ANKRD33B: variants seen among roughly 807,000 people sequenced by gnomAD.
The protein encoded by ANKRD33B is ankyrin repeat domain-containing protein 33B.
Under a neutral mutation model 21.5 loss-of-function variants are expected in ANKRD33B, and 6 were observed. The observed-to-expected ratio is 0.28, with a 90% CI of 0.15 to 0.55. ANKRD33B has a LOEUF of 0.55. Ranked by LOEUF, ANKRD33B falls within the 20% of genes least tolerant of loss-of-function variation. The pLI is 0.94. For synonymous variants in ANKRD33B, 347 were observed against 342.4 expected (o/e 1.01, Z -0.15); for missense variants, 698 against 747.2 (o/e 0.93, Z 0.77).
At chr5:10,629,722 C>G (rs1736661887) in intron 2 of ANKRD33B, among the ~76,000 whole-genome samples, 1 of 152,152 alleles carries the variant, frequency 6.6e-6, no homozygotes, top group Admixed American at 6.5e-5. Flanking sequence ...GCTTAGCAGG[C>G]AGCTGAGGAA....
intron 1 of ANKRD33B, among the ~76,000 whole-genome samples, chr5:10,591,457 G>A (rs1039068729): frequency 6.6e-5 from 10 of 152,078 alleles, no homozygotes; most frequent in Admixed American, 2.0e-4. Flanking sequence ...GCCTCCCAGA[G>A]TGCTGTCCCG....
At chr5:10,641,182 AGTT>A (rs1021225605) in intron 3 of ANKRD33B, among the ~76,000 whole-genome samples, 8 of 137,626 alleles carry the variant, frequency 5.8e-5, no homozygotes, top group Non-Finnish European at 3.1e-5. Flanking sequence ...TCCCACATTT[AGTT>A]GTCTTCTTCT....
rs1737445919 is a variant in ANKRD33B at position 10,654,840 on chromosome 5, C to T, written c.*4727C>T. The T allele has an allele frequency of 6.6e-6, 1 of 152,514 alleles. No individual in the cohort carries two copies. The highest frequency in any genetic ancestry group is 2.4e-5 in the African/African-American group (1 of 41,422). 9.4% of individuals were successfully genotyped at this position (152,514 alleles called of 1,614,324 possible). A position where few individuals can be genotyped will look rare whatever the true frequency, so the allele number is the denominator to read the frequency against. On this transcript the variant is annotated 3_prime_UTR_variant, in exon 4 of 4. Transcript: ENST00000296657. Reference sequence around the variant, plus strand: ...TACTTGCTTCTGTGAATAAAGTGTTCTACAGTCAGCCCAGCACTAAACTCA... The same window carrying T: ...TACTTGCTTCTGTGAATAAAGTGTTTTACAGTCAGCCCAGCACTAAACTCA...
chr5:10,624,610 G>A (rs1736502312), intron 2 of ANKRD33B: 1 of 384,840 alleles, frequency 2.6e-6, no homozygotes, highest in African/African-American at 2.1e-5. Flanking sequence ...GGAGGCAGAG[G>A]GGAGAGGGAC....
chr5:10,618,433 A>T lies in ANKRD33B; in HGVS notation c.467A>T (p.Asn156Ile). 1 of 1,537,004 alleles carries T rather than the reference A, an allele frequency of 6.5e-7. No homozygotes were observed. Among genetic ancestry groups the T allele is most frequent in the East Asian group, 2.4e-5 (1 of 41,046 alleles). The change falls in exon 2 of 4, where the codon AAC becomes ATC. Residue 156 changes from asparagine (N) to isoleucine (I), a missense_variant. Asn to Ile is a moderately radical substitution (Grantham distance 149, BLOSUM62 -3). Coordinates refer to ENST00000296657, the MANE Select transcript of ANKRD33B (RefSeq NM_001164440.2). ...GTCAACTGGCAGGACAGCGAGGGGAACACAGCCCTAATCACAGCTGCACAG... is the reference window on the plus strand; with the variant it reads ...GTCAACTGGCAGGACAGCGAGGGGATCACAGCCCTAATCACAGCTGCACAG... Reference protein sequence around the residue: ...VDVNWQDSEGNTALITAAQAG... With the variant: ...VDVNWQDSEGITALITAAQAG...
chr5:10,606,460 G>A (rs1310815381), intron 1 of ANKRD33B, among the ~76,000 whole-genome samples: 2 of 152,098 alleles, frequency 1.3e-5, no homozygotes, highest in Admixed American at 6.5e-5. Flanking sequence ...TATTGGCCTG[G>A]CACAGTAGCT....
chr5:10,593,829 G>T (rs1735752205), intron 1 of ANKRD33B, among the ~76,000 whole-genome samples: 2 of 149,352 alleles, frequency 1.3e-5, no homozygotes, highest in African/African-American at 5.0e-5. Context: ...ACCCCCTCAT[G>T]AACCCTCTGC....
In ANKRD33B at chr5:10,654,275, C is replaced by A. The variant is rs542713959; in HGVS notation, c.*4162C>A. 6.6e-6 allele frequency: 1 copy of A among 152,486 alleles called. No homozygotes were observed. The highest frequency in any genetic ancestry group is 2.4e-5 in the African/African-American group (1 of 41,560). 9.4% of individuals were successfully genotyped at this position (152,486 alleles called of 1,614,324 possible). On this transcript the variant is annotated 3_prime_UTR_variant, in exon 4 of 4. Coordinates refer to ENST00000296657, the MANE Select transcript of ANKRD33B (RefSeq NM_001164440.2). ...CCGTCCTCTTTGCTCGGAAGGGAGA[C>A]CTGGTTTGCTCTCCTCCATGACAGC...
chr5:10,583,753 C>T (rs1691461238), intron 1 of ANKRD33B, among the ~76,000 whole-genome samples: 1 of 152,152 alleles, frequency 6.6e-6, no homozygotes, highest in Non-Finnish European at 1.5e-5. Context: ...ATTGTGTTTA[C>T]CAGCCCTTCC....
rs1354992105 is a variant in ANKRD33B at position 10,638,099 on chromosome 5, G to A, written c.568G>A (p.Gly190Arg). The A allele has an allele frequency of 2.6e-6, 4 of 1,537,456 alleles. No homozygotes were observed. The highest frequency in any genetic ancestry group is 1.2e-5 in the South Asian group (1 of 84,064). The change falls in exon 3 of 4, where the codon GGG becomes AGG. Residue 190 changes from glycine to arginine, a missense_variant. Around this residue, in one of 3 missense-constraint regions of ANKRD33B, gnomAD observed 543 missense variants for 566.5 expected, o/e 0.96. Coordinates refer to ENST00000296657, the MANE Select transcript of ANKRD33B (RefSeq NM_001164440.2). ...GLDLERRNAF[G>R]FTALMKAAMQ... Reference sequence around the variant, plus strand: ...TGACCTTGAAAGGAGGAACGCGTTCGGGTTCACCGCCCTGATGAAAGCCGC... The same window carrying A: ...TGACCTTGAAAGGAGGAACGCGTTCAGGTTCACCGCCCTGATGAAAGCCGC...
chr5:10,564,491 G>A lies in ANKRD33B; in HGVS notation c.24G>A (p.Gly8=). MVLLAGT[G]PEGGGARCMT... is the part of the protein sequence containing the mutation. ...GCATGGTGCTGCTGGCCGGGACCGGGCCGGAGGGCGGCGGGGCGCGCTGCA... is the reference window on the plus strand; with the variant it reads ...GCATGGTGCTGCTGGCCGGGACCGGACCGGAGGGCGGCGGGGCGCGCTGCA... The change falls in exon 1 of 4, where the codon GGG becomes GGA. Residue 8 remains glycine (G), a synonymous_variant. Transcript: ENST00000296657. 6.6e-7 allele frequency: 1 copy of A among 1,511,212 alleles called. No homozygotes were observed. Among genetic ancestry groups the A allele is most frequent in the Admixed American group, 2.0e-5 (1 of 50,066 alleles). 93.6% of individuals were successfully genotyped at this position (1,511,212 alleles called of 1,614,324 possible).
At chr5:10,586,561 A>G (rs1485061104) in intron 1 of ANKRD33B, among the ~76,000 whole-genome samples, 1 of 150,800 alleles carries the variant, frequency 6.6e-6, no homozygotes, top group Non-Finnish European at 1.5e-5. Context: ...TTTATTTTCC[A>G]TACAGTTTAT....
rs1466993563 is a variant in ANKRD33B, at chr5:10,651,333, C to G, written c.*1220C>G. The G allele has an allele frequency of 6.6e-6, 1 of 152,016 alleles. No homozygotes were observed. The highest frequency in any genetic ancestry group is 1.5e-5 in the Non-Finnish European group (1 of 68,000). 9.4% of individuals were successfully genotyped at this position (152,016 alleles called of 1,614,324 possible). A position where few individuals can be genotyped will look rare whatever the true frequency, so the allele number is the denominator to read the frequency against. The stretch of plus-strand genomic sequence containing the variant: ...ATGCAGGGCCTTGGGCAGGGCAGGG[C>G]ATGGGTGTGATTTGCCTTGGGCCAC... On this transcript the variant is annotated 3_prime_UTR_variant, in exon 4 of 4. Coordinates refer to ENST00000296657, the MANE Select transcript of ANKRD33B (RefSeq NM_001164440.2).
At chr5:10,631,889 C>T (rs1336350901) in intron 2 of ANKRD33B, among the ~76,000 whole-genome samples, 2 of 152,198 alleles carry the variant, frequency 1.3e-5, no homozygotes, top group Non-Finnish European at 2.9e-5. Context: ...CTCATGAGGA[C>T]GGAATGCTGG....
At chr5:10,646,151 T>C (rs1385645119) in intron 3 of ANKRD33B, among the ~76,000 whole-genome samples, 1 of 152,152 alleles carries the variant, frequency 6.6e-6, no homozygotes, top group African/African-American at 2.4e-5. Flanking sequence ...TGTGTAGACT[T>C]AGAGCACTCA....
intron 1 of ANKRD33B, among the ~76,000 whole-genome samples, chr5:10,578,269 C>T (rs549515101): frequency 3.3e-5 from 5 of 152,234 alleles, no homozygotes; most frequent in Non-Finnish European, 7.3e-5. Context: ...GGTTAGTCAA[C>T]CTGCCTATGT....
rs1171589751 is a variant in ANKRD33B at position 10,637,423 on chromosome 5, TAGACAC to T, written c.497-603_497-598del. Among the ~76,000 whole-genome samples the T allele has an allele frequency of 1.2e-4, 6 of 48,346 alleles. No homozygotes were observed. The East Asian group carries it at 2.7e-3, about 22-fold the overall frequency. 31.7% of individuals were successfully genotyped at this position (48,346 alleles called of 152,430 possible). ...TGGGATGTGTGTGGGCGTAGGTAGTTAGACACACACACACACACACACACACACACA... is the reference window on the plus strand; with the variant it reads ...TGGGATGTGTGTGGGCGTAGGTAGTTACACACACACACACACACACACACA... On this transcript the variant is annotated intron_variant, in intron 2 of 3. Transcript: ENST00000296657.
At chr5:10,591,068 A>G (rs1251505571) in intron 1 of ANKRD33B, among the ~76,000 whole-genome samples, 2 of 151,986 alleles carry the variant, frequency 1.3e-5, no homozygotes, top group African/African-American at 4.8e-5. Context: ...TGTTTTGCTG[A>G]GAAGGTTTAA....
At position 10,576,600 on chromosome 5, in the gene ANKRD33B, G is replaced by C. The variant is rs571473034; in HGVS notation, c.366+11767G>C. The stretch of plus-strand genomic sequence containing the variant: ...ATAATAACACCTCCTAGAGGTTCTA[G>C]GCAGAACTAACGAGTAAGTTACAGA... On this transcript the variant is annotated intron_variant, in intron 1 of 3. Coordinates refer to ENST00000296657, the MANE Select transcript of ANKRD33B (RefSeq NM_001164440.2). This position sits in a 1 kb window ranked among gnomAD's most constrained non-coding sequence, Gnocchi z 4.1. Among the ~76,000 whole-genome samples the C allele has an allele frequency of 2.6e-4, 40 of 152,286 alleles. No homozygotes were observed. Among genetic ancestry groups the C allele is most frequent in the African/African-American group, 9.6e-4 (40 of 41,564 alleles).
Sources: allele counts gnomAD v4.1 joint callset (sites outside exome capture counted in the v4.1 genomes callset), GRCh38; gene constraint gnomAD v4.1.1; regional missense constraint gnomAD v4.1.1; non-coding constraint Gnocchi (gnomAD v3.1); transcripts MANE v1.5; gene names NCBI Gene and HGNC (gene_info 2026-07-23, HGNC 2026-07-21).